The following VDAC1 variants were observed in gnomAD, a reference collection of about 807,000 sequenced individuals.
The protein encoded by VDAC1 is non-selective voltage-gated ion channel VDAC1.
A neutral mutation model predicts 34.7 loss-of-function variants in VDAC1; 10 were observed. That is an observed-to-expected ratio of 0.29 (90% CI 0.18 to 0.49). The LOEUF (loss-of-function observed/expected upper bound fraction) is 0.49, where lower values mean the gene tolerates loss of function less well. Among genes scored for constraint, VDAC1 ranks in the 20% least tolerant of loss-of-function variants. The probability of loss-of-function intolerance (pLI) is 0.99; values close to 1 mark genes in which losing one functional copy is unlikely to be tolerated. For missense variants in VDAC1, 230 were observed against 347.9 expected (o/e 0.66, Z 2.69); for synonymous variants, 130 against 136.0 (o/e 0.96, Z 0.30).
Position 133,992,338 on chromosome 5 carries a change from G to C in VDAC1, c.85C>G (p.Leu29Val), listed in dbSNP as rs1423844648. 1 of 1,583,512 alleles carries C rather than the reference G, an allele frequency of 6.3e-7. No homozygotes were observed. The highest frequency in any genetic ancestry group is 1.8e-5 in the Admixed American group (1 of 56,174). Residue 29 changes from leucine to valine, a missense_variant, in exon 3 of 9, where the codon CTT (leucine) becomes GTT (valine). Physicochemically the swap from Leu to Val is conservative, Grantham distance 32. Coordinates refer to ENST00000265333, the MANE Select transcript of VDAC1 (RefSeq NM_003374.3). ...TKGYGFGLIK[L>V]DLKTKSENGL... is the part of the protein sequence containing the mutation. Reference sequence around the variant, plus strand: ...TTCTCAGATTTTGTTTTCAAATCAAGCTTTATTAAGCCAAATCCTAAAGAA... The same window carrying C: ...TTCTCAGATTTTGTTTTCAAATCAACCTTTATTAAGCCAAATCCTAAAGAA...
chr5:134,053,115 CA>C, the VDAC1 span, among the ~76,000 whole-genome samples: 1 of 150,178 alleles, frequency 6.7e-6, no homozygotes, highest in Admixed American at 6.6e-5. Flanking sequence ...AACTCCGTCT[CA>C]AAAAAAAAGA....
Position 133,975,879 on chromosome 5 carries a change from A to G in VDAC1, c.694T>C (p.Cys232Arg), listed in dbSNP as rs747376463. The G allele has an allele frequency of 6.2e-7, 1 of 1,611,640 alleles. No individual in the cohort carries two copies. Among genetic ancestry groups the G allele is most frequent in the Non-Finnish European group, 8.5e-7 (1 of 1,179,732 alleles). ...ATTCCACAGATACCCACCGAGAAGC[A>G]GGCGTCAGGGTCAATCTGATACTTG... ...AAKYQIDPDA[C>R]FSAKVNNSSL... Residue 232 changes from cysteine to arginine, a missense_variant, in exon 7 of 9, where the codon TGC (cysteine) becomes CGC (arginine). Cys to Arg is a radical substitution (Grantham distance 180). Transcript: ENST00000265333.
At chr5:133,994,653 C>G (rs866031312) in intron 1 of VDAC1, among the ~76,000 whole-genome samples, 3 of 152,148 alleles carry the variant, frequency 2.0e-5, no homozygotes, top group Non-Finnish European at 2.9e-5. Context: ...TACCCTTTAC[C>G]TGACACCTTC....
At chr5:134,018,102 T>C in the VDAC1 span, among the ~76,000 whole-genome samples, 6 of 152,182 alleles carry the variant, frequency 3.9e-5, no homozygotes, top group Non-Finnish European at 8.8e-5. Context: ...AACTGGCTCA[T>C]GGTTCTTCTG....
chr5:134,004,685 C>T (rs1460220168), intron 1 of VDAC1: 2 of 151,784 alleles, frequency 1.3e-5, no homozygotes, highest in East Asian at 1.9e-4. Flanking sequence ...GCGGCTACGG[C>T]GGGGGCTGCG....
At chr5:134,011,705 T>A in the VDAC1 span, among the ~76,000 whole-genome samples, 1 of 151,358 alleles carries the variant, frequency 6.6e-6, no homozygotes, top group Non-Finnish European at 1.5e-5. Flanking sequence ...AGTGGCGTGA[T>A]CTCAGCTCAC....
Position 133,980,856 on chromosome 5 carries a change from G to C in VDAC1, c.424C>G (p.Leu142Val), listed in dbSNP as rs987627085. Reference sequence around the variant, plus strand: ...AGCCAGCCCTCGTAACCTAGCACCAGAGCACCCCGGATGGAAGGCCCAGCA... The same window carrying C: ...AGCCAGCCCTCGTAACCTAGCACCACAGCACCCCGGATGGAAGGCCCAGCA... ...DIAGPSIRGA[L>V]VLGYEGWLAG... is the part of the protein sequence containing the mutation. Residue 142 changes from leucine (L) to valine (V), a missense_variant, in exon 6 of 9, where the codon CTG (leucine) becomes GTG (valine). Transcript: ENST00000265333. 1.2e-6 allele frequency: 2 copies of C among 1,613,670 alleles called. No individual in the cohort carries two copies. Among genetic ancestry groups the C allele is most frequent in the East Asian group, 2.2e-5 (1 of 44,894 alleles).
At chr5:134,056,241 C>CAAA in the VDAC1 span, among the ~76,000 whole-genome samples, 19 of 111,202 alleles carry the variant, frequency 1.7e-4, no homozygotes, top group South Asian at 2.9e-4. Flanking sequence ...AACTCCGTCT[C>CAAA]AAAAAAAAAA....
At chr5:134,044,625 G>A in the VDAC1 span, among the ~76,000 whole-genome samples, 4 of 88,190 alleles carry the variant, frequency 4.5e-5, no homozygotes, top group Non-Finnish European at 1.1e-4. Context: ...GCACATAACT[G>A]TGTGTGTGTG....
the VDAC1 span, among the ~76,000 whole-genome samples, chr5:134,095,416 G>A: frequency 6.6e-6 from 1 of 152,108 alleles, no homozygotes; most frequent in East Asian, 1.9e-4. Context: ...CCAGGAGATT[G>A]AGCCTGCAGT....
chr5:134,083,169 CTTTTCT>C, the VDAC1 span, among the ~76,000 whole-genome samples: 1 of 148,446 alleles, frequency 6.7e-6, no homozygotes, highest in African/African-American at 2.5e-5. Flanking sequence ...TGAGCCTGTG[CTTTTCT>C]TTTTCTTTTT....
chr5:134,074,962 C>T, the VDAC1 span, among the ~76,000 whole-genome samples: 3 of 152,064 alleles, frequency 2.0e-5, no homozygotes, highest in South Asian at 2.1e-4. Flanking sequence ...GGTCCTAGCC[C>T]TCCTCTCTAC....
the VDAC1 span, among the ~76,000 whole-genome samples, chr5:134,092,806 T>A: frequency 5.3e-5 from 8 of 152,156 alleles, no homozygotes; most frequent in African/African-American, 7.2e-5. Flanking sequence ...ATTATACTTA[T>A]AGGATTGACA....
At chr5:134,024,295 G>A in the VDAC1 span, among the ~76,000 whole-genome samples, 6 of 151,820 alleles carry the variant, frequency 4.0e-5, no homozygotes, top group South Asian at 6.3e-4. Flanking sequence ...TTGGGAGGCC[G>A]AGGAGGGCAG....
the VDAC1 span, among the ~76,000 whole-genome samples, chr5:134,023,625 A>G: frequency 1.3e-3 from 191 of 152,290 alleles, 1 homozygote; most frequent in African/African-American, 4.4e-3. Context: ...TTGAGCTCCT[A>G]CCATGGGCCA....
the VDAC1 span, among the ~76,000 whole-genome samples, chr5:134,103,113 G>A: frequency 6.6e-6 from 1 of 152,050 alleles, no homozygotes; most frequent in African/African-American, 2.4e-5. Flanking sequence ...TCCAGACGGT[G>A]TCATTCTTTT....
chr5:133,998,397 G>C (rs565328030), intron 1 of VDAC1, among the ~76,000 whole-genome samples: 1 of 152,180 alleles, frequency 6.6e-6, no homozygotes, highest in Non-Finnish European at 1.5e-5. Context: ...TTAGCCGGGC[G>C]TGGTGGTAAG....
intron 5 of VDAC1, among the ~76,000 whole-genome samples, chr5:133,989,491 C>G (rs1011316886): frequency 2.0e-5 from 3 of 151,856 alleles, no homozygotes; most frequent in Non-Finnish European, 4.4e-5. Flanking sequence ...TCCCAAGTAT[C>G]TGGGACTACA....
At chr5:134,093,785 C>T in the VDAC1 span, among the ~76,000 whole-genome samples, 5 of 152,140 alleles carry the variant, frequency 3.3e-5, no homozygotes, top group Admixed American at 6.5e-5. Context: ...GGAGTGGAGG[C>T]GAGGGTACCA....
Sources: gnomAD v4.1 joint callset for allele counts (sites outside exome capture counted in the v4.1 genomes callset) on GRCh38, gnomAD v4.1.1 for gene constraint, MANE v1.5 for transcripts, NCBI Gene and HGNC (gene_info 2026-07-23, HGNC 2026-07-21) for gene names.